LIN28B: variants seen among roughly 807,000 people sequenced by gnomAD.
LIN28B encodes lin-28 RNA binding posttranscriptional regulator B.
Under a neutral mutation model 21.9 loss-of-function variants are expected in LIN28B, and 5 were observed. The ratio of observed to expected loss-of-function variants is 0.23; its 90% confidence interval spans 0.12 to 0.48. The LOEUF is 0.48. Ranked by LOEUF, LIN28B falls within the 20% of genes least tolerant of loss-of-function variation. LIN28B has a pLI of 0.98. For synonymous variants in LIN28B, 109 were observed against 111.3 expected, an observed-to-expected ratio of 0.98 and a Z score of 0.13; for missense variants, 245 against 310.5, an observed-to-expected ratio of 0.79 and a Z score of 1.58.
intron 3 of LIN28B, among the ~76,000 whole-genome samples, chr6:105,063,343 C>T (rs924879091): frequency 7.2e-5 from 11 of 152,138 alleles, no homozygotes; most frequent in African/African-American, 2.7e-4. Context: ...TTATAAAAAA[C>T]ACTGTCCCAA....
At chr6:105,053,518 G>A (rs754125595) in intron 3 of LIN28B, among the ~76,000 whole-genome samples, 19 of 151,922 alleles carry the variant, frequency 1.3e-4, no homozygotes, top group Non-Finnish European at 2.5e-4. Flanking sequence ...TGCTTCATGT[G>A]CTTTGAAACC....
chr6:105,075,119 A>T (rs1013771409), intron 3 of LIN28B, among the ~76,000 whole-genome samples: 1 of 152,240 alleles, frequency 6.6e-6, no homozygotes, highest in South Asian at 2.1e-4. Context: ...CTATGGGAAT[A>T]TATAATAAAG....
intron 2 of LIN28B, among the ~76,000 whole-genome samples, chr6:104,968,244 T>G (rs1412443368): frequency 6.6e-6 from 1 of 152,216 alleles, no homozygotes; most frequent in Admixed American, 6.5e-5. Context: ...TTTTCCTGTG[T>G]TGTATTCACT....
chr6:105,025,662 ATC>A (rs1771272911), intron 2 of LIN28B, among the ~76,000 whole-genome samples: 1 of 152,212 alleles, frequency 6.6e-6, no homozygotes, highest in Admixed American at 6.5e-5. Flanking sequence ...TGTGCCTGTT[ATC>A]TCAGCTACTC....
intron 2 of LIN28B, among the ~76,000 whole-genome samples, chr6:105,018,171 T>C (rs1315218513): frequency 4.6e-5 from 7 of 151,534 alleles, no homozygotes; most frequent in Non-Finnish European, 7.4e-5. Context: ...CTTGTGGTCC[T>C]AGCTACTTGA....
chr6:104,992,718 C>T (rs1438780865), intron 2 of LIN28B, among the ~76,000 whole-genome samples: 1 of 151,856 alleles, frequency 6.6e-6, no homozygotes, highest in East Asian at 1.9e-4. Flanking sequence ...CTATGGTGCC[C>T]AGGCTGGTTT....
rs199560735 is a variant in LIN28B at position 105,046,494 on chromosome 6, T to C, written c.383+20012T>C. On this transcript the variant is annotated intron_variant, in intron 3 of 3. Transcript: ENST00000345080. ...GTAAACATACATATGCATGTGTCTTTATAGCAGCATGATTTATAATCCTTT... is the reference window on the plus strand; with the variant it reads ...GTAAACATACATATGCATGTGTCTTCATAGCAGCATGATTTATAATCCTTT... 3.2e-4 allele frequency among the ~76,000 whole-genome samples: 48 copies of C among 152,366 alleles called. No individual in the cohort carries two copies. The East Asian group carries it at 9.2e-3, about 29-fold the overall frequency.
intron 3 of LIN28B, among the ~76,000 whole-genome samples, chr6:105,028,610 A>G (rs1771353741): frequency 6.6e-6 from 1 of 152,212 alleles, no homozygotes; most frequent in Non-Finnish European, 1.5e-5. Flanking sequence ...GGCCTATACA[A>G]CAGGAAAGAT....
At chr6:105,030,830 A>G (rs1401967711) in intron 3 of LIN28B, among the ~76,000 whole-genome samples, 1 of 151,998 alleles carries the variant, frequency 6.6e-6, no homozygotes, top group African/African-American at 2.4e-5. Flanking sequence ...CCTGGACCTC[A>G]GGTGATTCGC....
At chr6:104,973,659 G>A (rs1582872800) in intron 2 of LIN28B, among the ~76,000 whole-genome samples, 1 of 152,196 alleles carries the variant, frequency 6.6e-6, no homozygotes, top group Non-Finnish European at 1.5e-5. Context: ...GAGTGTAGTT[G>A]AGAAGAAGTT....
intron 3 of LIN28B, among the ~76,000 whole-genome samples, chr6:105,050,607 T>TAA (rs1771879642): frequency 4.7e-3 from 2 of 422 alleles, no homozygotes; most frequent in South Asian, 0.25. Flanking sequence ...AGACTCCGTC[T>TAA]CAAAAAAAAA....
chr6:105,078,339 GTT>G (rs964769365), intron 3 of LIN28B, 73 bp from the exon 4 acceptor site: 2 of 1,351,736 alleles, frequency 1.5e-6, no homozygotes, highest in African/African-American at 2.9e-5. Flanking sequence ...TAGTTTGTGT[GTT>G]TTCACATTTT....
At chr6:104,987,707 AAAT>A (rs1770375268) in intron 2 of LIN28B, among the ~76,000 whole-genome samples, 1 of 152,116 alleles carries the variant, frequency 6.6e-6, no homozygotes, top group African/African-American at 2.4e-5. Context: ...TGTCATTTTC[AAAT>A]AATAATAATT....
rs560045618 is a variant in LIN28B at position 105,026,806 on chromosome 6, C to CT, written c.383+330dup. Among the ~76,000 whole-genome samples, 4 of 152,032 alleles carry CT rather than the reference C, an allele frequency of 2.6e-5. No individual in the cohort carries two copies. The South Asian group carries it at 8.3e-4, about 32-fold the overall frequency. ...CCAGAATTTGCCAAACACCTCACCT[C>CT]TTTTTTCAAATGAAAATGTACCTAT... On this transcript the variant is annotated intron_variant, in intron 3 of 3. Coordinates refer to ENST00000345080, the MANE Select transcript of LIN28B (RefSeq NM_001004317.4).
intron 2 of LIN28B, among the ~76,000 whole-genome samples, chr6:104,942,322 CT>C (rs1471181344): frequency 6.6e-6 from 1 of 151,876 alleles, no homozygotes; most frequent in Non-Finnish European, 1.5e-5. Flanking sequence ...ATTAATGTTT[CT>C]TTTTTTGGTG....
intron 3 of LIN28B, among the ~76,000 whole-genome samples, chr6:105,069,561 CA>C (rs1197017124): frequency 1.4e-5 from 2 of 145,976 alleles, no homozygotes; most frequent in Non-Finnish European, 3.0e-5. Flanking sequence ...CCCGTCTCTA[CA>C]AAAAATTTAA....
At chr6:104,973,658 T>C (rs1770024137) in intron 2 of LIN28B, among the ~76,000 whole-genome samples, 1 of 152,242 alleles carries the variant, frequency 6.6e-6, no homozygotes, top group South Asian at 2.1e-4. Context: ...AGAGTGTAGT[T>C]GAGAAGAAGT....
At chr6:105,022,097 G>T (rs1052780513) in intron 2 of LIN28B, among the ~76,000 whole-genome samples, 1 of 151,842 alleles carries the variant, frequency 6.6e-6, no homozygotes, top group Admixed American at 6.6e-5. Context: ...TTGAGACAAG[G>T]GTCTCAAAAA....
Position 105,073,452 on chromosome 6 carries a change from G to A in LIN28B, c.384-4962G>A, listed in dbSNP as rs146200212. Among the ~76,000 whole-genome samples the A allele has an allele frequency of 4.6e-4, 70 of 151,150 alleles. No individual in the cohort carries two copies. The East Asian group carries it at 0.012, about 26-fold the overall frequency. On this transcript the variant is annotated intron_variant, in intron 3 of 3. Coordinates refer to ENST00000345080, the MANE Select transcript of LIN28B (RefSeq NM_001004317.4). Reference sequence around the variant, plus strand: ...TTTATGAAATTCCTTTTCTGTATTCGTACCTTCTTCCTGCCCAAAGCTTGC... The same window carrying A: ...TTTATGAAATTCCTTTTCTGTATTCATACCTTCTTCCTGCCCAAAGCTTGC...
Sources: gnomAD v4.1 joint callset for allele counts (sites outside exome capture counted in the v4.1 genomes callset) on GRCh38, gnomAD v4.1.1 for gene constraint, MANE v1.5 for transcripts, NCBI Gene and HGNC (gene_info 2026-07-23, HGNC 2026-07-21) for gene names.